NME1: variants seen among roughly 807,000 people sequenced by gnomAD.
NME1 encodes the protein NME/NM23 nucleoside diphosphate kinase 1, also known as nucleoside diphosphate kinase A.
Under a neutral mutation model 17.2 loss-of-function variants are expected in NME1, and 9 were observed. The ratio of observed to expected loss-of-function variants is 0.52; its 90% CI spans 0.32 to 0.92. The LOEUF (loss-of-function observed/expected upper bound fraction) is 0.92. NME1 is among the 40% of genes least tolerant of loss of function. NME1 has a pLI of 0.04. For missense variants in NME1, 169 were observed against 201.7 expected, an observed-to-expected ratio of 0.84 and a Z score of 0.98; for synonymous variants, 72 against 70.8, an observed-to-expected ratio of 1.02 and a Z score of -0.09.
rs201791462 is a variant in NME1, at chr17:51,154,149, GTC to G, written c.-5+497_-5+498del. 1.6e-3 allele frequency: 852 copies of G among 536,534 alleles called. 1 individual carries two copies. Among genetic ancestry groups the G allele is most frequent in the Middle Eastern group, 3.6e-3 (7 of 1,954 alleles). 33.2% of individuals were successfully genotyped at this position (536,534 alleles called of 1,614,324 possible). A position where few individuals can be genotyped will look rare whatever the true frequency, so the allele number is the denominator to read the frequency against. ...CGATTCTCCGCAGTCTTTGGGCTTT[GTC>G]TCTCTCTCTTTTTTTTTTTTTGGAA... is the stretch of plus-strand genomic sequence containing the variant. On this transcript the variant is annotated intron_variant, in intron 1 of 4. Transcript: ENST00000393196.
At chr17:51,161,689 T>G in intron 4 of NME1, 39 bp from the exon 5 acceptor site, 1 of 1,465,250 alleles carries the variant, frequency 6.8e-7, no homozygotes, top group South Asian at 1.1e-5. Flanking sequence ...TTTTAATCCT[T>G]CTGGTCTTGG....
chr17:51,158,512 A>C (rs986407255), intron 2 of NME1, among the ~76,000 whole-genome samples: 1 of 152,236 alleles, frequency 6.6e-6, no homozygotes, highest in African/African-American at 2.4e-5. Flanking sequence ...TGATAAGGGA[A>C]GGTCACCTCA....
intron 3 of NME1, chr17:51,160,711 G>A (rs867153317): frequency 2.0e-4 from 54 of 275,414 alleles, no homozygotes; most frequent in South Asian, 7.1e-4. Flanking sequence ...CCGGGTTCAC[G>A]CCATTCTCCT....
chr17:51,154,562 A>G (rs1323305852), intron 1 of NME1: 1 of 832,146 alleles, frequency 1.2e-6, no homozygotes, highest in African/African-American at 1.7e-5. Flanking sequence ...TAGTTCTCCC[A>G]CACCCCACCG....
intron 3 of NME1, 101 bp downstream of exon 3, chr17:51,160,182 A>G (rs751124113): frequency 3.1e-6 from 4 of 1,272,532 alleles, no homozygotes; most frequent in Non-Finnish European, 4.6e-6. Flanking sequence ...GAGACCAAAT[A>G]GATACCTGTT....
chr17:51,156,892 C>CA (rs71355724), intron 2 of NME1, among the ~76,000 whole-genome samples: 42,380 of 86,558 alleles, frequency 0.49, 8,493 homozygotes, highest in African/African-American at 0.53. Context: ...ACTCCATCTC[C>CA]AAAAAAAAAA....
intron 2 of NME1, among the ~76,000 whole-genome samples, chr17:51,156,889 C>T (rs949693476): frequency 1.7e-5 from 2 of 116,934 alleles, no homozygotes; most frequent in African/African-American, 3.4e-5. Context: ...AAAACTCCAT[C>T]TCCAAAAAAA....
rs147617760 is a variant in NME1 at position 51,159,893 on chromosome 17, A to G, written c.127-87A>G. 2.8e-4 allele frequency: 415 copies of G among 1,504,554 alleles called. No individual in the cohort carries two copies. The African/African-American group carries it at 5.1e-3, about 19-fold the overall frequency. The allele number at this position is 1,504,554 out of a possible 1,614,324, so 93.2% of individuals were successfully genotyped here. ...GTGAGCCCAACCGCTCATGTTTTAC[A>G]TAGCAGGGTGGATGAGGGGAAATTA... On this transcript the variant is annotated intron_variant, in intron 2 of 4. Transcript: ENST00000393196.
At chr17:51,159,883 C>G in intron 2 of NME1, 97 bp from the exon 3 acceptor site, 1 of 1,432,714 alleles carries the variant, frequency 7.0e-7, no homozygotes, top group Non-Finnish European at 9.8e-7. Flanking sequence ...CCCAACCGCT[C>G]ATGTTTTACA....
chr17:51,159,945 TG>T, intron 2 of NME1, 34 bp from the exon 3 acceptor site: 1 of 1,611,350 alleles, frequency 6.2e-7, no homozygotes, highest in Non-Finnish European at 8.5e-7. Context: ...TTAGATGGTT[TG>T]GGGGTTATTC....
Position 51,161,780 on chromosome 17 carries a change from T to A in NME1, c.394T>A (p.Leu132Met). The change falls in exon 5 of 5, where the codon TTG becomes ATG. Residue 132 changes from leucine (L) to methionine (M), a missense_variant. Coordinates refer to ENST00000393196, the MANE Select transcript of NME1 (RefSeq NM_000269.3). ...GGAGAGTGCAGAGAAGGAGATCGGC[T>A]TGTGGTTTCACCCTGAGGAACTGGT... is the stretch of plus-strand genomic sequence containing the variant. ...SVESAEKEIG[L>M]WFHPEELVDY... The A allele has an allele frequency of 6.2e-7, 1 of 1,614,152 alleles. No individual in the cohort carries two copies. The highest frequency in any genetic ancestry group is 1.1e-5 in the South Asian group (1 of 91,088).
intron 1 of NME1, chr17:51,154,312 A>C (rs1568119494): frequency 6.7e-7 from 1 of 1,494,138 alleles, no homozygotes; most frequent in East Asian, 2.3e-5. Flanking sequence ...AGAAAATTGG[A>C]CTACAGTGCT....
intron 4 of NME1, 164 bp downstream of exon 4, chr17:51,161,436 C>A: frequency 1.3e-6 from 1 of 757,028 alleles, no homozygotes; most frequent in Non-Finnish European, 2.3e-6. Flanking sequence ...TGGTTGTTAA[C>A]ATCACTTAGT....
At chr17:51,154,159 CT>C (rs1191043162) in intron 1 of NME1, 45,791 of 443,418 alleles carry the variant, frequency 0.1, no homozygotes, top group South Asian at 0.16. Context: ...GTCTCTCTCT[CT>C]TTTTTTTTTT....
At position 51,154,113 on chromosome 17, in the gene NME1, A is replaced by C. The variant is rs534723891; in HGVS notation, c.-5+451A>C. The C allele has an allele frequency of 4.3e-5, 21 of 491,312 alleles. No individual in the cohort carries two copies. The South Asian group carries it at 4.5e-4, about 11-fold the overall frequency. 30.4% of individuals were successfully genotyped at this position (491,312 alleles called of 1,614,324 possible). On this transcript the variant is annotated intron_variant, in intron 1 of 4. Coordinates refer to ENST00000393196, the MANE Select transcript of NME1 (RefSeq NM_000269.3). ...CCTGGACAATTTATGCTTGCCCCGC[A>C]CCCCATCGTGCGATTCTCCGCAGTC... is the stretch of plus-strand genomic sequence containing the variant.
At chr17:51,158,663 G>A (rs753144720) in intron 2 of NME1, among the ~76,000 whole-genome samples, 9 of 152,152 alleles carry the variant, frequency 5.9e-5, no homozygotes, top group Non-Finnish European at 1.2e-4. Flanking sequence ...CTGAATGATG[G>A]GGCTTCTGGG....
rs976586224 is a variant in NME1 at position 51,160,318 on chromosome 17, A to C, written c.228+237A>C. The C allele has an allele frequency of 2.2e-5, 13 of 602,644 alleles. No individual in the cohort carries two copies. The Middle Eastern group carries it at 2.2e-3, about 101-fold the overall frequency. The allele number at this position is 602,644 out of a possible 1,614,324, so 37.3% of individuals were successfully genotyped here. On this transcript the variant is annotated intron_variant, in intron 3 of 4. Coordinates refer to ENST00000393196, the MANE Select transcript of NME1 (RefSeq NM_000269.3). ...AACGCAATTTTTAAGCTGTGATCTG[A>C]ATGACAAGAAGCAGCGATCTGAATG...
chr17:51,154,293 C>A, intron 1 of NME1: 1 of 1,322,824 alleles, frequency 7.6e-7, no homozygotes, highest in Non-Finnish European at 1.1e-6. Flanking sequence ...GGGAGGCAGA[C>A]ACACAAACAG....
intron 1 of NME1, chr17:51,154,483 T>A: frequency 1.3e-6 from 2 of 1,549,500 alleles, no homozygotes; most frequent in Non-Finnish European, 1.8e-6. Flanking sequence ...ATGAGGGATC[T>A]GGACGGAATA....
Sources: gnomAD v4.1 joint callset for allele counts (sites outside exome capture counted in the v4.1 genomes callset) on GRCh38, gnomAD v4.1.1 for gene constraint, MANE v1.5 for transcripts, NCBI Gene and HGNC (gene_info 2026-07-23, HGNC 2026-07-21) for gene names.